Variants in ARV1 observed in about 807,000 individuals in gnomAD.
ARV1 encodes protein ARV1.
In ARV1, 26 loss-of-function variants were observed where a neutral mutation model predicts 31.1. That is an observed-to-expected ratio of 0.84 (90% CI 0.61 to 1.16). ARV1 has a LOEUF of 1.16. Among genes scored for constraint, ARV1 ranks in the 50% most tolerant of loss-of-function variants. ARV1 has a pLI of 0.00. For missense variants in ARV1, 281 were observed against 324.9 expected, an observed-to-expected ratio of 0.86 and a Z score of 1.04; for synonymous variants, 117 against 123.2, an observed-to-expected ratio of 0.95 and a Z score of 0.34.
At chr1:230,981,961 A>T (rs1678922333) in intron 1 of ARV1, among the ~76,000 whole-genome samples, 1 of 152,194 alleles carries the variant, frequency 6.6e-6, no homozygotes, top group Non-Finnish European at 1.5e-5. Context: ...GTCTACTCTG[A>T]CTACCCTATT....
intron 3 of ARV1, among the ~76,000 whole-genome samples, chr1:230,993,359 G>A (rs931925859): frequency 3.3e-5 from 5 of 152,160 alleles, no homozygotes; most frequent in Non-Finnish European, 5.9e-5. Flanking sequence ...GCCTCCCAAA[G>A]TGCTGAGACT....
In ARV1 at chr1:230,979,126, C is replaced by T; in HGVS notation, c.21C>T (p.Ser7=). 3 of 1,596,730 alleles carry T rather than the reference C, an allele frequency of 1.9e-6. No homozygotes were observed. Among genetic ancestry groups the T allele is most frequent in the East Asian group, 2.3e-5 (1 of 44,376 alleles). ...TGGAAATGGGCAACGGCGGGCGGAG[C>T]GGCCTGCAGCAGGGGAAGGGGAACG... MGNGGR[S]GLQQGKGNVD... The change falls in exon 1 of 6, where the codon AGC becomes AGT. Residue 7 remains serine, a synonymous_variant. Transcript: ENST00000310256.
intron 1 of ARV1, 74 bp from the exon 2 acceptor site, chr1:230,988,246 T>A: frequency 7.4e-7 from 1 of 1,351,160 alleles, no homozygotes; most frequent in Non-Finnish European, 1.0e-6. Context: ...AAATAGACTC[T>A]GCTGTTTTGA....
At chr1:230,986,668 ATTTTTTTTTTTTTTTTTTTTTT>A (rs1162209283) in intron 1 of ARV1, among the ~76,000 whole-genome samples, 5 of 62,292 alleles carry the variant, frequency 8.0e-5, no homozygotes, top group Admixed American at 2.5e-4. Flanking sequence ...TACTTTTCCT[ATTTTTTTTTTTTTTTTTTTTTT>A]TTTTTTTTTT....
intron 1 of ARV1, among the ~76,000 whole-genome samples, chr1:230,986,061 C>T (rs1679056899): frequency 6.6e-6 from 1 of 151,430 alleles, no homozygotes. Context: ...GGACTACAGG[C>T]ACCTGCCACC....
intron 1 of ARV1, among the ~76,000 whole-genome samples, chr1:230,982,417 G>C (rs1678934237): frequency 6.6e-6 from 1 of 152,108 alleles, no homozygotes; most frequent in Non-Finnish European, 1.5e-5. Flanking sequence ...CTTTTTGTTG[G>C]CATTAAGCTA....
intron 4 of ARV1, among the ~76,000 whole-genome samples, chr1:230,996,880 T>C (rs1018082449): frequency 2.6e-5 from 4 of 152,216 alleles, no homozygotes; most frequent in Non-Finnish European, 4.4e-5. Context: ...TCCTTTGATA[T>C]TCACGGGAAT....
Position 230,979,276 on chromosome 1 carries a change from CTGTG to C in ARV1, c.174_174+3del, listed in dbSNP as rs1454551675. 1 of 1,613,350 alleles carries C rather than the reference CTGTG, an allele frequency of 6.2e-7. No homozygotes were observed. The highest frequency in any genetic ancestry group is 8.5e-7 in the Non-Finnish European group (1 of 1,179,646). The stretch of plus-strand genomic sequence containing the variant: ...ACCACGGTGTGCTGAAGATAACCAT[CTGTG>C]TGAGTTGTCAGGTGTGGGGTGCCCT... On this transcript the variant is annotated splice_donor_variant and coding_sequence_variant, in exon 1 of 6. Coordinates refer to ENST00000310256, the MANE Select transcript of ARV1 (RefSeq NM_022786.3). LOFTEE classifies it high-confidence loss of function.
intron 3 of ARV1, 116 bp downstream of exon 3, chr1:230,990,379 T>A: frequency 7.4e-7 from 1 of 1,348,124 alleles, no homozygotes; most frequent in Non-Finnish European, 1.0e-6. Flanking sequence ...ATATGGGACT[T>A]AAGATGAAAT....
intron 1 of ARV1, 90 bp from the exon 2 acceptor site, chr1:230,988,230 T>A (rs1679134868): frequency 8.7e-7 from 1 of 1,145,606 alleles, no homozygotes; most frequent in Non-Finnish European, 1.3e-6. Flanking sequence ...TTGCTATCTG[T>A]GTCCAAAATA....
chr1:230,983,265 A>G (rs1558240889), intron 1 of ARV1, among the ~76,000 whole-genome samples: 1 of 152,030 alleles, frequency 6.6e-6, no homozygotes, highest in Non-Finnish European at 1.5e-5. Context: ...TACAAAAATT[A>G]GCCAGGCGTG....
chr1:230,991,947 A>C (rs573410633), intron 3 of ARV1, among the ~76,000 whole-genome samples: 1 of 152,034 alleles, frequency 6.6e-6, no homozygotes, highest in South Asian at 2.1e-4. Context: ...CTATTATACT[A>C]CTGCTACCCT....
chr1:230,990,358 A>G, intron 3 of ARV1, 95 bp downstream of exon 3: 1 of 1,481,726 alleles, frequency 6.7e-7, no homozygotes, highest in Non-Finnish European at 9.2e-7. Flanking sequence ...GTTGGTAAGA[A>G]GAGCTAGTTA....
chr1:230,986,334 A>G (rs1679066142), intron 1 of ARV1, among the ~76,000 whole-genome samples: 1 of 152,184 alleles, frequency 6.6e-6, no homozygotes, highest in African/African-American at 2.4e-5. Context: ...TGGAGAAGCT[A>G]TTTAAATTGG....
In ARV1 at chr1:230,979,154, G is replaced by A. The variant is rs1678734902; in HGVS notation, c.49G>A (p.Asp17Asn). 6.2e-7 allele frequency: 1 copy of A among 1,612,742 alleles called. No homozygotes were observed. Among genetic ancestry groups the A allele is most frequent in the Non-Finnish European group, 8.5e-7 (1 of 1,179,640 alleles). The change falls in exon 1 of 6, where the codon GAT becomes AAT. Residue 17 changes from aspartate (D) to asparagine (N), a missense_variant. Asp to Asn is a conservative substitution (Grantham distance 23). Coordinates refer to ENST00000310256, the MANE Select transcript of ARV1 (RefSeq NM_022786.3). Reference protein sequence around the residue: ...SGLQQGKGNVDGVAATPTAAS... With the variant: ...SGLQQGKGNVNGVAATPTAAS... ...CCTGCAGCAGGGGAAGGGGAACGTG[G>A]ATGGGGTGGCAGCGACTCCTACTGC...
At chr1:230,990,371 A>T in intron 3 of ARV1, 108 bp downstream of exon 3, 2 of 1,404,570 alleles carry the variant, frequency 1.4e-6, no homozygotes, top group Non-Finnish European at 1.9e-6. Context: ...GCTAGTTAAT[A>T]TGGGACTTAA....
At position 230,988,861 on chromosome 1, in the gene ARV1, A is replaced by G. The variant is rs11122183; in HGVS notation, c.294+422A>G. Among the ~76,000 whole-genome samples the G allele has an allele frequency of 7.4e-3, 1,121 of 152,352 alleles. 19 individuals carry two copies. Among genetic ancestry groups the G allele is most frequent in the African/African-American group, 0.024 (1,015 of 41,596 alleles). On this transcript the variant is annotated intron_variant, in intron 2 of 5. Transcript: ENST00000310256. ...TTATACTTTGCTATTAAAGGAATGT[A>G]TAAGGTAAATAACATTCAGTTTAAT...
chr1:230,988,280 A>G (rs1450094923), intron 1 of ARV1, 40 bp from the exon 2 acceptor site: 2 of 1,554,750 alleles, frequency 1.3e-6, no homozygotes, highest in African/African-American at 2.7e-5. Context: ...TTCAGAAAGT[A>G]TACATTTGCT....
At chr1:230,999,423 C>G (rs916700666) in intron 5 of ARV1, among the ~76,000 whole-genome samples, 8 of 152,198 alleles carry the variant, frequency 5.3e-5, no homozygotes, top group Non-Finnish European at 1.0e-4. Context: ...TGGGGGCCTT[C>G]TCAATTTTTC....
Sources: gnomAD v4.1 joint callset for allele counts (sites outside exome capture counted in the v4.1 genomes callset) on GRCh38, gnomAD v4.1.1 for gene constraint, MANE v1.5 for transcripts, NCBI Gene and HGNC (gene_info 2026-07-23, HGNC 2026-07-21) for gene names.